Variants in LRFN2 observed in about 807,000 individuals in gnomAD.
LRFN2 encodes leucine rich repeat and fibronectin type III domain containing 2, also known as leucine-rich repeat and fibronectin type-III domain-containing protein 2.
In LRFN2, 18 loss-of-function variants were observed where a neutral mutation model predicts 37.3. The ratio of observed to expected loss-of-function variants is 0.48; its 90% CI spans 0.33 to 0.72. The LOEUF (loss-of-function observed/expected upper bound fraction) is 0.72, where lower values mean the gene tolerates loss of function less well. Ranked by LOEUF, LRFN2 falls within the 30% of genes least tolerant of loss-of-function variation. The pLI, the probability that LRFN2 is intolerant of heterozygous loss-of-function variation, is 0.02. For missense variants in LRFN2, 1,006 were observed against 1,060.7 expected (o/e 0.95, Z 0.72); for synonymous variants, 556 against 466.6 (o/e 1.19, Z -2.47).
intron 1 of LRFN2, among the ~76,000 whole-genome samples, chr6:40,508,757 T>C (rs1765611667): frequency 6.6e-6 from 1 of 152,200 alleles, no homozygotes; most frequent in South Asian, 2.1e-4. Context: ...TGCTCAAATA[T>C]GCCGGTGGAA....
intron 1 of LRFN2, among the ~76,000 whole-genome samples, chr6:40,475,733 T>A (rs756709404): frequency 6.6e-5 from 10 of 152,148 alleles, no homozygotes; most frequent in Non-Finnish European, 1.3e-4. Flanking sequence ...CTTGTACAAT[T>A]CCAGGGGGCA....
intron 1 of LRFN2, among the ~76,000 whole-genome samples, chr6:40,457,204 G>A (rs1384531577): frequency 1.3e-5 from 2 of 152,154 alleles, no homozygotes; most frequent in Admixed American, 1.3e-4. Context: ...TGTAAGCCAA[G>A]AGAGATGTGT....
At chr6:40,461,363 A>C (rs955710676) in intron 1 of LRFN2, among the ~76,000 whole-genome samples, 4 of 152,136 alleles carry the variant, frequency 2.6e-5, no homozygotes, top group African/African-American at 9.7e-5. Flanking sequence ...AGCCATGATC[A>C]CACCATTGCA....
chr6:40,513,400 A>C (rs1765771602), intron 1 of LRFN2, among the ~76,000 whole-genome samples: 1 of 151,884 alleles, frequency 6.6e-6, no homozygotes, highest in African/African-American at 2.4e-5. Flanking sequence ...CGTCCAGCTA[A>C]TTTTTGTGTT....
chr6:40,500,812 C>T (rs11962284), intron 1 of LRFN2, among the ~76,000 whole-genome samples: 2,561 of 152,244 alleles, frequency 0.017, 24 homozygotes, highest in Non-Finnish European at 0.024. Context: ...TGGACTATAG[C>T]ATCAAAAATA....
rs1305038430 is a variant in LRFN2 at position 40,432,265 on chromosome 6, C to A, written c.849G>T (p.Glu283Asp). The A allele has an allele frequency of 1.9e-6, 3 of 1,614,038 alleles. No individual in the cohort carries two copies. The Admixed American group carries it at 5.0e-5, about 27-fold the overall frequency. The change falls in exon 2 of 3, where the codon GAG becomes GAT. Residue 283 changes from glutamate (E) to aspartate (D), a missense_variant. This residue lies in a region of LRFN2 where 303 missense variants were observed against 299.8 expected (regional missense o/e 1.01). Coordinates refer to ENST00000338305, the MANE Select transcript of LRFN2 (RefSeq NM_020737.3). ...TGATGAGAGGCGGCTCGCACACAAA[C>A]TCCTCCTCACGCACATGCCAGAAGT... ...GRYFWHVREE[E>D]FVCEPPLITQ...
chr6:40,511,239 G>A (rs1197024871), intron 1 of LRFN2, among the ~76,000 whole-genome samples: 1 of 152,138 alleles, frequency 6.6e-6, no homozygotes, highest in Non-Finnish European at 1.5e-5. Flanking sequence ...AGTTCTACAT[G>A]TGTTAGCTCA....
chr6:40,484,523 G>C (rs1363169104), intron 1 of LRFN2, among the ~76,000 whole-genome samples: 1 of 152,192 alleles, frequency 6.6e-6, no homozygotes, highest in East Asian at 1.9e-4. Flanking sequence ...CAGGGAGTCT[G>C]ATGGGCCCTA....
chr6:40,533,523 CA>C (rs995645348), intron 1 of LRFN2, among the ~76,000 whole-genome samples: 8 of 149,500 alleles, frequency 5.4e-5, no homozygotes, highest in South Asian at 2.1e-4. Context: ...TGATTAAAAC[CA>C]AAAAAAAAGC....
intron 1 of LRFN2, among the ~76,000 whole-genome samples, chr6:40,555,869 C>A (rs1181805151): frequency 6.6e-6 from 1 of 152,196 alleles, no homozygotes; most frequent in African/African-American, 2.4e-5. Flanking sequence ...CTGACATGCA[C>A]AATGTCCATA....
intron 1 of LRFN2, among the ~76,000 whole-genome samples, chr6:40,580,201 A>C (rs1220522637): frequency 6.6e-6 from 1 of 152,158 alleles, no homozygotes; most frequent in African/African-American, 2.4e-5. Flanking sequence ...TTTTGGTGAA[A>C]ACAAGTCAGA....
At chr6:40,434,625 C>T (rs1283482241) in intron 1 of LRFN2, among the ~76,000 whole-genome samples, 1 of 151,916 alleles carries the variant, frequency 6.6e-6, no homozygotes, top group Admixed American at 6.6e-5. Flanking sequence ...TACAGGCACA[C>T]ACCACCATGC....
intron 2 of LRFN2, among the ~76,000 whole-genome samples, chr6:40,425,667 C>T (rs973960756): frequency 6.6e-6 from 1 of 152,180 alleles, no homozygotes; most frequent in Non-Finnish European, 1.5e-5. Context: ...GATAGTCAGC[C>T]CTCCCTAGTC....
At chr6:40,417,577 G>A (rs1435628813) in intron 2 of LRFN2, among the ~76,000 whole-genome samples, 1 of 152,138 alleles carries the variant, frequency 6.6e-6, no homozygotes, top group Non-Finnish European at 1.5e-5. Context: ...GGTAGAGGGG[G>A]TGGGGAATGC....
At chr6:40,568,684 T>TGTCCTTCC (rs1767133379) in intron 1 of LRFN2, among the ~76,000 whole-genome samples, 1 of 131,936 alleles carries the variant, frequency 7.6e-6, no homozygotes, top group Non-Finnish European at 1.6e-5. Flanking sequence ...GTCTCCCCCA[T>TGTCCTTCC]TTCCTTCCTT....
chr6:40,525,674 C>T (rs1041827415), intron 1 of LRFN2, among the ~76,000 whole-genome samples: 1 of 152,100 alleles, frequency 6.6e-6, no homozygotes, highest in East Asian at 1.9e-4. Context: ...TCCTGTGGTG[C>T]CTCCTTCCTC....
At chr6:40,534,977 G>GAT (rs1258610919) in intron 1 of LRFN2, among the ~76,000 whole-genome samples, 1 of 152,220 alleles carries the variant, frequency 6.6e-6, no homozygotes, top group Non-Finnish European at 1.5e-5. Context: ...CCAGGCCCAT[G>GAT]ATATAGTGGC....
Position 40,432,219 on chromosome 6 carries a change from G to A in LRFN2, c.895C>T (p.Leu299=), listed in dbSNP as rs61731041. 12 of 1,613,878 alleles carry A rather than the reference G, an allele frequency of 7.4e-6. No homozygotes were observed. The African/African-American group carries it at 1.5e-4, about 20-fold the overall frequency. ...PLITQHTHKL[L]VLEGQAATLK... ...GTGGCCGCCTGGCCCTCCAGAACCA[G>A]CAACTTGTGTGTGTGCTGGGTGATG... Residue 299 remains leucine, a synonymous_variant, in exon 2 of 3, where the codon CTG becomes TTG. Coordinates refer to ENST00000338305, the MANE Select transcript of LRFN2 (RefSeq NM_020737.3).
At chr6:40,488,532 C>G (rs777967502) in intron 1 of LRFN2, among the ~76,000 whole-genome samples, 1 of 152,138 alleles carries the variant, frequency 6.6e-6, no homozygotes, top group Non-Finnish European at 1.5e-5. Context: ...TACAACACAC[C>G]AACTCTCCAC....
Sources: gnomAD v4.1 joint callset for allele counts (sites outside exome capture counted in the v4.1 genomes callset) on GRCh38, gnomAD v4.1.1 for gene constraint, gnomAD v4.1.1 regional missense constraint, MANE v1.5 for transcripts, NCBI Gene and HGNC (gene_info 2026-07-23, HGNC 2026-07-21) for gene names.